Variants in LCT observed in about 807,000 individuals in gnomAD.
LCT encodes the protein lactase/phlorizin hydrolase.
A neutral mutation model predicts 173.0 loss-of-function variants in LCT; 90 were observed. The ratio of observed to expected loss-of-function variants is 0.52; its 90% CI spans 0.44 to 0.62. The LOEUF is 0.62. LCT is among the 20% of genes least tolerant of loss of function. The pLI is 0.00. For synonymous variants in LCT, 853 were observed against 957.6 expected (o/e 0.89, Z 2.02); for missense variants, 1,864 against 2,431.4 (o/e 0.77, Z 4.91).
Position 135,809,100 on chromosome 2 carries a change from C to A in LCT, c.3247G>T (p.Val1083Leu), listed in dbSNP as rs1234611287. 1.9e-6 allele frequency: 3 copies of A among 1,613,988 alleles called. No individual in the cohort carries two copies. The highest frequency in any genetic ancestry group is 2.2e-5 in the South Asian group (2 of 91,090). ...TATGGTGCCCAGCCTGGGTCCTTCA[C>A]CCCTGGGGGAAATTCCCCTGAGCCA... ...GYGSGEFPPG[V>L]KDPGWAPYRI... is the part of the protein sequence containing the mutation. Residue 1083 changes from valine to leucine, a missense_variant, in exon 8 of 17, where the codon GTG (valine) becomes TTG (leucine). Transcript: ENST00000264162. This position sits in a 1 kb window ranked among gnomAD's most constrained non-coding sequence, Gnocchi z 5.5.
At chr2:135,807,917 C>G (rs1382069292) in intron 8 of LCT, among the ~76,000 whole-genome samples, 1 of 151,766 alleles carries the variant, frequency 6.6e-6, no homozygotes, top group Non-Finnish European at 1.5e-5. Flanking sequence ...CACTTGAGGT[C>G]AGGAGTTTGA....
intron 14 of LCT, among the ~76,000 whole-genome samples, chr2:135,793,239 C>T (rs1488154290): frequency 6.6e-6 from 1 of 152,242 alleles, no homozygotes; most frequent in Non-Finnish European, 1.5e-5. Context: ...GCCACCTGCA[C>T]TGGAGCAGGT....
Position 135,790,681 on chromosome 2 carries a change from G to A in LCT, c.5312C>T (p.Thr1771Ile). ...NDTARIYYLR[T>I]YINEALKAVQ... The stretch of plus-strand genomic sequence containing the variant: ...ACCTTTGAGGGCCTCATTGATGTAA[G>A]TCCGAAGGTAGTAGATCCTTGCAGT... Residue 1771 changes from threonine (T) to isoleucine (I), a missense_variant, in exon 15 of 17, where the codon ACT becomes ATT. Around this residue, in one of 4 missense-constraint regions of LCT, gnomAD observed 514 missense variants for 750.1 expected, o/e 0.69. Coordinates refer to ENST00000264162, the MANE Select transcript of LCT (RefSeq NM_002299.4). This position sits in a 1 kb window ranked among gnomAD's most constrained non-coding sequence, Gnocchi z 4.1. 3 of 1,612,188 alleles carry A rather than the reference G, an allele frequency of 1.9e-6. No homozygotes were observed. The highest frequency in any genetic ancestry group is 2.5e-6 in the Non-Finnish European group (3 of 1,179,194).
chr2:135,836,596 G>A lies in LCT; in HGVS notation c.574C>T (p.Leu192Phe). The change falls in exon 1 of 17, where the codon CTC becomes TTC. Residue 192 changes from leucine to phenylalanine, a missense_variant. Around this residue, in one of 4 missense-constraint regions of LCT, gnomAD observed 412 missense variants for 462.0 expected, o/e 0.89. Transcript: ENST00000264162. ...LPHQESRASQ[L>F]QTLSDAHRKA... The stretch of plus-strand genomic sequence containing the variant: ...CTGTGGGCATCACTGAGGGTCTGGA[G>A]TTGTGACGCTCTTGATTCCTGGTGG... 6.2e-7 allele frequency: 1 copy of A among 1,613,942 alleles called. No individual in the cohort carries two copies. Among genetic ancestry groups the A allele is most frequent in the South Asian group, 1.1e-5 (1 of 91,082 alleles).
intron 8 of LCT, 74 bp downstream of exon 8, chr2:135,808,369 C>T (rs537864993): frequency 6.5e-5 from 77 of 1,188,412 alleles, no homozygotes; most frequent in African/African-American, 5.1e-4. Context: ...TAAATCATCC[C>T]GGCAAAACAT....
chr2:135,837,036 C>G lies in LCT; in HGVS notation c.134G>C (p.Gly45Ala). Reference sequence around the variant, plus strand: ...GTTAGAACTCTGGTCTCCCAGGAGACCACTCAGGTTGTGCAGCAAGTCATT... The same window carrying G: ...GTTAGAACTCTGGTCTCCCAGGAGAGCACTCAGGTTGTGCAGCAAGTCATT... ...LTNDLLHNLS[G>A]LLGDQSSNFV... is the part of the protein sequence containing the mutation. Residue 45 changes from glycine to alanine, a missense_variant, in exon 1 of 17, where the codon GGT (glycine) becomes GCT (alanine). Physicochemically the swap from Gly to Ala is moderately conservative, Grantham distance 60 (BLOSUM62 0). This residue lies in a region of LCT where 412 missense variants were observed against 462.0 expected (regional missense o/e 0.89). Transcript: ENST00000264162. The G allele has an allele frequency of 6.2e-7, 1 of 1,614,076 alleles. No homozygotes were observed. Among genetic ancestry groups the G allele is most frequent in the Non-Finnish European group, 8.5e-7 (1 of 1,180,006 alleles).
chr2:135,807,064 A>G (rs1182754622), intron 9 of LCT, 64 bp downstream of exon 9: 1 of 1,571,666 alleles, frequency 6.4e-7, no homozygotes, highest in African/African-American at 1.3e-5. Flanking sequence ...CCCAGCACTG[A>G]GCCCAGAGCC....
intron 13 of LCT, among the ~76,000 whole-genome samples, chr2:135,797,383 C>A (rs558821780): frequency 6.6e-6 from 1 of 152,296 alleles, no homozygotes; most frequent in African/African-American, 2.4e-5. Context: ...GCAGTGACTG[C>A]CGCTTCCTGC....
intron 14 of LCT, among the ~76,000 whole-genome samples, chr2:135,793,907 A>G (rs1275307501): frequency 6.6e-6 from 1 of 151,788 alleles, no homozygotes; most frequent in Non-Finnish European, 1.5e-5. Flanking sequence ...TGTCTCTACT[A>G]AAAACACAAA....
chr2:135,817,460 A>G lies in LCT; in HGVS notation c.1588T>C (p.Phe530Leu), dbSNP rs2077789229. The G allele has an allele frequency of 7.4e-6, 12 of 1,614,008 alleles. No individual in the cohort carries two copies. The highest frequency in any genetic ancestry group is 1.0e-5 in the Non-Finnish European group (12 of 1,180,018). The change falls in exon 6 of 17, where the codon TTT (phenylalanine) becomes CTT (leucine). Residue 530 changes from phenylalanine (F) to leucine (L), a missense_variant. Physicochemically the swap from Phe to Leu is conservative, Grantham distance 22. Around this residue, in one of 4 missense-constraint regions of LCT, gnomAD observed 183 missense variants for 293.1 expected, o/e 0.62. Coordinates refer to ENST00000264162, the MANE Select transcript of LCT (RefSeq NM_002299.4). ...LDYAAFCFSTFGDRVKLWVTF... is the reference protein window; with the variant it reads ...LDYAAFCFSTLGDRVKLWVTF... ...ACCCACAGCTTCACACGGTCCCCAA[A>G]TGTGGAGAAGCAGAAGGCCGCATAG...
chr2:135,795,170 T>C (rs2077572642), intron 13 of LCT, among the ~76,000 whole-genome samples: 1 of 151,992 alleles, frequency 6.6e-6, no homozygotes, highest in South Asian at 2.1e-4. Flanking sequence ...GAGGTACATA[T>C]CTGAGACTCT....
At chr2:135,800,526 C>A in intron 12 of LCT, 81 bp downstream of exon 12, 1 of 1,228,326 alleles carries the variant, frequency 8.1e-7, no homozygotes, top group Non-Finnish European at 1.2e-6. Context: ...CACCCTAAAT[C>A]TTTGATTCAC....
In LCT at chr2:135,787,880, C is replaced by T. The variant is rs1056906832; in HGVS notation, c.*444G>A. On this transcript the variant is annotated 3_prime_UTR_variant, in exon 17 of 17. Coordinates refer to ENST00000264162, the MANE Select transcript of LCT (RefSeq NM_002299.4). Reference sequence around the variant, plus strand: ...TCTGCTGTTTTTATTTTCTGGAAAACACAAGATGTGAAGCTAGGGAGAGCT... The same window carrying T: ...TCTGCTGTTTTTATTTTCTGGAAAATACAAGATGTGAAGCTAGGGAGAGCT... 8.2e-6 allele frequency: 1 copy of T among 121,992 alleles called. No homozygotes were observed. The highest frequency in any genetic ancestry group is 9.1e-5 in the Admixed American group (1 of 10,930). The allele number at this position is 121,992 out of a possible 1,614,324, so 7.6% of individuals were successfully genotyped here.
chr2:135,813,318 C>T (rs1165845629), intron 6 of LCT, among the ~76,000 whole-genome samples: 1 of 152,050 alleles, frequency 6.6e-6, no homozygotes, highest in African/African-American at 2.4e-5. Context: ...AACATCAATA[C>T]CAACATGAAC....
chr2:135,831,850 T>C (rs933758575), intron 2 of LCT, among the ~76,000 whole-genome samples: 1 of 152,150 alleles, frequency 6.6e-6, no homozygotes, highest in Non-Finnish European at 1.5e-5. Context: ...TTCCCATGGC[T>C]TCCAGACTGC....
intron 12 of LCT, 103 bp from the exon 13 acceptor site, chr2:135,798,241 T>C (rs1246187022): frequency 1.3e-6 from 1 of 759,542 alleles, no homozygotes; most frequent in Non-Finnish European, 2.4e-6. Context: ...CCTCCCTCCT[T>C]TTCCTGGACC....
intron 8 of LCT, 47 bp downstream of exon 8, chr2:135,808,396 A>T (rs2077694941): frequency 6.9e-7 from 1 of 1,441,450 alleles, no homozygotes; most frequent in Non-Finnish European, 9.8e-7. Flanking sequence ...CATATGACCC[A>T]GGGAATGTTG....
At chr2:135,791,578 T>G (rs1172266718) in intron 14 of LCT, among the ~76,000 whole-genome samples, 5 of 152,230 alleles carry the variant, frequency 3.3e-5, no homozygotes, top group Middle Eastern at 6.8e-3. Flanking sequence ...AAAATGTTGG[T>G]TTTATCAGCA....
At chr2:135,803,513 G>A (rs1186133832) in intron 11 of LCT, among the ~76,000 whole-genome samples, 1 of 152,258 alleles carries the variant, frequency 6.6e-6, no homozygotes, top group Non-Finnish European at 1.5e-5. Context: ...ACCATGAGCA[G>A]CCTCCTGTTG....
Sources: allele counts gnomAD v4.1 joint callset (sites outside exome capture counted in the v4.1 genomes callset), GRCh38; gene constraint gnomAD v4.1.1; regional missense constraint gnomAD v4.1.1; non-coding constraint Gnocchi (gnomAD v3.1); transcripts MANE v1.5; gene names NCBI Gene and HGNC (gene_info 2026-07-23, HGNC 2026-07-21).